EXOC4: variants seen among roughly 807,000 people sequenced by gnomAD.
The protein encoded by EXOC4 is SEC8-like 1.
In EXOC4, 71 loss-of-function variants were observed where a neutral mutation model predicts 107.2. That is an observed-to-expected ratio of 0.66 (90% CI 0.55 to 0.81). EXOC4 has a LOEUF of 0.81. Among genes scored for constraint, EXOC4 ranks in the 30% least tolerant of loss-of-function variants. The pLI is 0.00. For missense variants in EXOC4, 1,108 were observed against 1,189.6 expected, an observed-to-expected ratio of 0.93 and a Z score of 1.01; for synonymous variants, 456 against 441.2, an observed-to-expected ratio of 1.03 and a Z score of -0.42.
chr7:133,576,761 G>A (rs1315217508), intron 9 of EXOC4: 1 of 1,289,586 alleles, frequency 7.8e-7, no homozygotes, highest in Non-Finnish European at 1.0e-6. Context: ...CTATTGGAGA[G>A]GTAACTGTGA....
Position 133,868,601 on chromosome 7 carries a change from C to T in EXOC4, c.1735-26998C>T, listed in dbSNP as rs374894326. ...AATTCTTTTATGAACCACTCCCTCC[C>T]TTTTGCCCCCACGTCCAGATGTACC... On this transcript the variant is annotated intron_variant, in intron 11 of 17. Transcript: ENST00000253861. 1.0e-3 allele frequency among the ~76,000 whole-genome samples: 158 copies of T among 152,230 alleles called. 7 individuals are homozygous for T. In the South Asian group the frequency reaches 0.033, roughly 31 times the overall value.
At chr7:133,321,594 A>G (rs1025907588) in intron 5 of EXOC4, among the ~76,000 whole-genome samples, 1 of 152,172 alleles carries the variant, frequency 6.6e-6, no homozygotes, top group Non-Finnish European at 1.5e-5. Context: ...CATGGTGTAT[A>G]TGTGCCACAT....
chr7:133,471,680 T>G (rs1185289660), intron 7 of EXOC4, among the ~76,000 whole-genome samples: 1 of 152,204 alleles, frequency 6.6e-6, no homozygotes, highest in African/African-American at 2.4e-5. Context: ...AATTTGCATA[T>G]AACAACATAT....
chr7:134,069,323 C>CCCTCCTTCT (rs1180772446), downstream of EXOC4, among the ~76,000 whole-genome samples: 21 of 136,852 alleles, frequency 1.5e-4, 1 homozygote, highest in Admixed American at 1.5e-3. Context: ...TTCCTTCTCC[C>CCCTCCTTCT]CCTCCTTCTC....
At chr7:133,398,813 G>A (rs1001205806) in intron 7 of EXOC4, among the ~76,000 whole-genome samples, 2 of 152,098 alleles carry the variant, frequency 1.3e-5, no homozygotes, top group African/African-American at 4.8e-5. Context: ...ATTTCTCTAA[G>A]TGGAAATATT....
At chr7:133,393,997 A>G (rs1298340461) in intron 7 of EXOC4, among the ~76,000 whole-genome samples, 2 of 152,190 alleles carry the variant, frequency 1.3e-5, no homozygotes, top group East Asian at 1.9e-4. Context: ...CACTTAAATC[A>G]TCCCTATATG....
At chr7:133,678,174 A>G (rs1196251484) in intron 10 of EXOC4, among the ~76,000 whole-genome samples, 1 of 152,210 alleles carries the variant, frequency 6.6e-6, no homozygotes, top group African/African-American at 2.4e-5. Context: ...TTAATCCCAC[A>G]TGTAACAAAT....
chr7:133,934,545 G>T (rs971524811), intron 13 of EXOC4, among the ~76,000 whole-genome samples: 2 of 152,146 alleles, frequency 1.3e-5, no homozygotes, highest in African/African-American at 4.8e-5. Context: ...CGGCAGACAT[G>T]CCCAGGGCCC....
At chr7:133,733,365 G>T (rs1415017973) in intron 10 of EXOC4, among the ~76,000 whole-genome samples, 1 of 152,090 alleles carries the variant, frequency 6.6e-6, no homozygotes. Flanking sequence ...GGTGGTGCAT[G>T]CCTGTAATCC....
At chr7:133,737,909 C>CTTTTTTTT (rs10673346) in intron 10 of EXOC4, among the ~76,000 whole-genome samples, 4,305 of 88,644 alleles carry the variant, frequency 0.049, 33 homozygotes, top group Non-Finnish European at 0.059. Flanking sequence ...ATTTTTCTTT[C>CTTTTTTTT]TTTTTTTTTT....
At chr7:133,490,772 G>T (rs1799357116) in intron 9 of EXOC4, among the ~76,000 whole-genome samples, 1 of 152,096 alleles carries the variant, frequency 6.6e-6, no homozygotes. Flanking sequence ...GGAAAATAAA[G>T]GTCATTATTA....
intron 11 of EXOC4, among the ~76,000 whole-genome samples, chr7:133,878,872 G>T (rs1798904963): frequency 6.6e-6 from 1 of 151,982 alleles, no homozygotes; most frequent in African/African-American, 2.4e-5. Flanking sequence ...CTACAGGTGT[G>T]CTCCACCATG....
intron 14 of EXOC4, among the ~76,000 whole-genome samples, chr7:133,966,838 C>T (rs1801082611): frequency 6.6e-6 from 1 of 152,200 alleles, no homozygotes; most frequent in Admixed American, 6.5e-5. Flanking sequence ...ATGCTGGCCT[C>T]ATAAAATGGG....
At chr7:133,927,328 AC>A (rs1259650663) in intron 13 of EXOC4, among the ~76,000 whole-genome samples, 4 of 152,200 alleles carry the variant, frequency 2.6e-5, no homozygotes, top group Non-Finnish European at 5.9e-5. Flanking sequence ...TTCAGATTAA[AC>A]AATTCTAAGA....
chr7:134,020,983 CA>C (rs34211829), intron 17 of EXOC4, among the ~76,000 whole-genome samples: 428 of 135,320 alleles, frequency 3.2e-3, no homozygotes, highest in Middle Eastern at 3.9e-3. Flanking sequence ...AAGACTGTCT[CA>C]AAAAAAAAAA....
intron 9 of EXOC4, among the ~76,000 whole-genome samples, chr7:133,576,030 A>G (rs1801119657): frequency 6.6e-6 from 1 of 152,220 alleles, no homozygotes; most frequent in Non-Finnish European, 1.5e-5. Flanking sequence ...TCAGCTCATG[A>G]GTGCTGAGCA....
intron 17 of EXOC4, among the ~76,000 whole-genome samples, chr7:134,049,954 C>A (rs1261157312): frequency 6.6e-6 from 1 of 152,162 alleles, no homozygotes; most frequent in African/African-American, 2.4e-5. Context: ...TACATCCACA[C>A]AATTGAGTAC....
intron 7 of EXOC4, among the ~76,000 whole-genome samples, chr7:133,419,976 T>A (rs977953751): frequency 2.0e-5 from 3 of 151,314 alleles, no homozygotes; most frequent in African/African-American, 7.3e-5. Context: ...TTTTTTTTTT[T>A]TTTTTTATTA....
chr7:133,664,598 G>C lies in EXOC4; in HGVS notation c.1514+34457G>C, dbSNP rs181190578. ...ACATATTACCATCTCCAATTCTTTA[G>C]AATCCTTTTGGCCCAGAATGACTTC... On this transcript the variant is annotated intron_variant, in intron 10 of 17. Coordinates refer to ENST00000253861, the MANE Select transcript of EXOC4 (RefSeq NM_021807.4). Among the ~76,000 whole-genome samples the C allele has an allele frequency of 7.9e-5, 12 of 152,214 alleles. No individual in the cohort carries two copies. The East Asian group carries it at 2.3e-3, about 29-fold the overall frequency.
Sources: gnomAD v4.1 joint callset for allele counts (sites outside exome capture counted in the v4.1 genomes callset) on GRCh38, gnomAD v4.1.1 for gene constraint, MANE v1.5 for transcripts, NCBI Gene and HGNC (gene_info 2026-07-23, HGNC 2026-07-21) for gene names.